The following IVD variants were observed in gnomAD, a reference collection of about 807,000 sequenced individuals.
The protein encoded by IVD is isovaleryl-CoA dehydrogenase, mitochondrial.
IVD carries 31 observed loss-of-function variants against 51.3 expected under a neutral mutation model. That is an observed-to-expected ratio of 0.60 (90% CI 0.45 to 0.81). The LOEUF (loss-of-function observed/expected upper bound fraction) is 0.81. Among genes scored for constraint, IVD ranks in the 40% least tolerant of loss-of-function variants. The pLI, the probability that IVD is intolerant of heterozygous loss-of-function variation, is 0.00. For missense variants in IVD, 475 were observed against 552.0 expected, an observed-to-expected ratio of 0.86 and a Z score of 1.40; for synonymous variants, 205 against 219.4, an observed-to-expected ratio of 0.93 and a Z score of 0.58.
At chr15:40,414,072 T>C (rs1034902815) in intron 7 of IVD, among the ~76,000 whole-genome samples, 1 of 152,156 alleles carries the variant, frequency 6.6e-6, no homozygotes, top group African/African-American at 2.4e-5. Context: ...TTGGCCAGGC[T>C]GCTCTCGAAC....
chr15:40,419,933 G>A lies in IVD; in HGVS notation c.*1670G>A, dbSNP rs1170464283. On this transcript the variant is annotated 3_prime_UTR_variant, in exon 12 of 12. Coordinates refer to ENST00000487418, the MANE Select transcript of IVD (RefSeq NM_002225.5). Reference sequence around the variant, plus strand: ...CTGACGACCAACATGGTGAAACCTCGTCTCTACTAAAAATACAAAAATTAG... The same window carrying A: ...CTGACGACCAACATGGTGAAACCTCATCTCTACTAAAAATACAAAAATTAG... 6.2e-5 allele frequency: 10 copies of A among 160,682 alleles called. No individual in the cohort carries two copies. In the East Asian group the frequency reaches 1.5e-3, roughly 25 times the overall value. The allele number at this position is 160,682 out of a possible 1,614,324, so 10.0% of individuals were successfully genotyped here.
downstream of IVD, chr15:40,435,806 C>A (rs113910598): frequency 1.0e-3 from 699 of 687,030 alleles, 4 homozygotes; most frequent in African/African-American, 0.013. Flanking sequence ...AGTGCCTGCT[C>A]CTTCAGGCTC....
chr15:40,405,909 CG>C lies in IVD; in HGVS notation c.85del (p.Ala29ProfsTer14). The C allele has an allele frequency of 6.2e-7, 1 of 1,613,190 alleles. No homozygotes were observed. The highest frequency in any genetic ancestry group is 1.3e-5 in the African/African-American group (1 of 75,046). On this transcript the variant is annotated frameshift_variant, in exon 1 of 12. Transcript: ENST00000487418. LOFTEE classifies it high-confidence loss of function. ...GCCGCTTGCCGGCTTCGTTTCCCAG[CG>C]GGCCCACTCGCTTTTGCCCGTGGAC... ...RPPLAGFVSQ[R>X]AHSLLPVDDA...
Position 40,418,202 on chromosome 15 carries a change from C to G in IVD, c.1211C>G (p.Ala404Gly). ...GATGCCAAGCTGTATGAGATAGGGG[C>G]TGGGACCAGCGAGGTGAGGCGGCTG... The part of the protein sequence containing the change: ...LRDAKLYEIG[A>G]GTSEVRRLVI... Residue 404 changes from alanine (A) to glycine (G), a missense_variant, in exon 12 of 12, where the codon GCT becomes GGT. Coordinates refer to ENST00000487418, the MANE Select transcript of IVD (RefSeq NM_002225.5). 6 of 1,614,234 alleles carry G rather than the reference C, an allele frequency of 3.7e-6. No homozygotes were observed. The highest frequency in any genetic ancestry group is 5.1e-6 in the Non-Finnish European group (6 of 1,180,046).
At chr15:40,406,196 G>A in intron 1 of IVD, 1 of 1,529,994 alleles carries the variant, frequency 6.5e-7, no homozygotes, top group Middle Eastern at 1.8e-4. Context: ...GAGACCGTGG[G>A]ACAGTACTGC....
downstream of IVD, among the ~76,000 whole-genome samples, chr15:40,423,808 C>G (rs747036681): frequency 6.6e-6 from 1 of 152,184 alleles, no homozygotes; most frequent in Non-Finnish European, 1.5e-5. Flanking sequence ...AGAAGTTATG[C>G]CCATACTTTT....
At chr15:40,425,964 C>CTTTTT (rs200928278), downstream of IVD, among the ~76,000 whole-genome samples, 1 of 117,416 alleles carries the variant, frequency 8.5e-6, no homozygotes. Flanking sequence ...CCCAGTCCGG[C>CTTTTT]TATTTTTTTT....
At chr15:40,416,930 T>TG (rs1891754486) in intron 11 of IVD, among the ~76,000 whole-genome samples, 1 of 152,162 alleles carries the variant, frequency 6.6e-6, no homozygotes, top group African/African-American at 2.4e-5. Flanking sequence ...CTGGGCACAG[T>TG]GGCTCACACC....
chr15:40,410,034 C>T (rs1890892029), intron 3 of IVD, among the ~76,000 whole-genome samples: 1 of 152,068 alleles, frequency 6.6e-6, no homozygotes, highest in Non-Finnish European at 1.5e-5. Flanking sequence ...GACGGGGTTT[C>T]ACCGTGTTAG....
rs913379191 is a variant in IVD at position 40,421,299 on chromosome 15, A to C, written c.*3036A>C. The C allele has an allele frequency of 6.8e-5, 66 of 965,068 alleles. No individual in the cohort carries two copies. Among genetic ancestry groups the C allele is most frequent in the African/African-American group, 1.1e-4 (6 of 56,892 alleles). 59.8% of individuals were successfully genotyped at this position (965,068 alleles called of 1,614,324 possible). A position where few individuals can be genotyped will look rare whatever the true frequency, so the allele number is the denominator to read the frequency against. On this transcript the variant is annotated 3_prime_UTR_variant, in exon 12 of 12. Transcript: ENST00000487418. The stretch of plus-strand genomic sequence containing the variant: ...TGTTTTAAAATTAAAAGCAAAAAAA[A>C]CAAAATGAACCATGCAGCCTGAGTG...
Position 40,418,384 on chromosome 15 carries a change from C to G in IVD, c.*121C>G. The G allele has an allele frequency of 2.5e-6, 4 of 1,587,584 alleles. No homozygotes were observed. Among genetic ancestry groups the G allele is most frequent in the Non-Finnish European group, 2.6e-6 (3 of 1,172,412 alleles). On this transcript the variant is annotated 3_prime_UTR_variant, in exon 12 of 12. Transcript: ENST00000487418. ...CTGCCCAGCTGCTCTTGTCAGCCCT[C>G]TGGCCTCTGGATGAGGTTGAGTTCT...
intron 2 of IVD, 29 bp from the exon 3 acceptor site, chr15:40,407,910 T>G: frequency 6.2e-7 from 1 of 1,613,244 alleles, no homozygotes; most frequent in Non-Finnish European, 8.5e-7. Context: ...CCTCAACACT[T>G]ATTCCACTCT....
chr15:40,419,318 C>T lies in IVD; in HGVS notation c.*1055C>T. ...TTGCAGTCAGGAGTTCAAGACCAGC[C>T]TGTCCAACGTGGTGAAACCCCATCT... On this transcript the variant is annotated 3_prime_UTR_variant, in exon 12 of 12. Transcript: ENST00000487418. 1.0e-6 allele frequency: 1 copy of T among 955,980 alleles called. No individual in the cohort carries two copies. The highest frequency in any genetic ancestry group is 2.5e-5 in the Admixed American group (1 of 40,406). 59.2% of individuals were successfully genotyped at this position (955,980 alleles called of 1,614,324 possible).
chr15:40,421,360 T>C, downstream of IVD: 1 of 985,460 alleles, frequency 1.0e-6, no homozygotes. Flanking sequence ...CTACTTTGGT[T>C]CTTGTGGGCG....
chr15:40,431,374 T>C (rs1892965015), intron 7 of IVD, among the ~76,000 whole-genome samples: 1 of 152,080 alleles, frequency 6.6e-6, no homozygotes, highest in Admixed American at 6.5e-5. Context: ...AATAACACTA[T>C]CTATTTCATA....
chr15:40,407,430 G>A (rs192264655), intron 1 of IVD, among the ~76,000 whole-genome samples: 2 of 152,214 alleles, frequency 1.3e-5, no homozygotes, highest in African/African-American at 2.4e-5. Flanking sequence ...AAAGTGTGAC[G>A]TTTTAAAAAT....
At chr15:40,421,458 AT>A (rs1326088464), downstream of IVD, 2 of 952,766 alleles carry the variant, frequency 2.1e-6, no homozygotes, top group Admixed American at 1.2e-4. Context: ...CTCCACTCCA[AT>A]TTTAGGCAGG....
In IVD at chr15:40,407,644, G is replaced by T; in HGVS notation, c.153G>T (p.Gln51His). 1 of 1,614,044 alleles carries T rather than the reference G, an allele frequency of 6.2e-7. No homozygotes were observed. Among genetic ancestry groups the T allele is most frequent in the South Asian group, 1.1e-5 (1 of 91,040 alleles). Residue 51 changes from glutamine (Q) to histidine (H), a missense_variant, in exon 2 of 12, where the codon CAG becomes CAT. Gln to His is a conservative substitution (Grantham distance 24). Transcript: ENST00000487418. ...GLSEEQRQLRQTMAKFLQEHL... is the reference protein window; with the variant it reads ...GLSEEQRQLRHTMAKFLQEHL... Reference sequence around the variant, plus strand: ...TACCTCTCTCCTATTAGCTTCGTCAGACCATGGCTAAGTTCCTTCAGGAGC... The same window carrying T: ...TACCTCTCTCCTATTAGCTTCGTCATACCATGGCTAAGTTCCTTCAGGAGC...
At chr15:40,408,320 T>C (rs1890686281) in intron 3 of IVD, among the ~76,000 whole-genome samples, 1 of 152,240 alleles carries the variant, frequency 6.6e-6, no homozygotes, top group Non-Finnish European at 1.5e-5. Context: ...AGTGGTTGTC[T>C]TCATAGTACC....
Sources: allele counts gnomAD v4.1 joint callset (sites outside exome capture counted in the v4.1 genomes callset), GRCh38; gene constraint gnomAD v4.1.1; transcripts MANE v1.5; gene names NCBI Gene and HGNC (gene_info 2026-07-23, HGNC 2026-07-21).